CDH13: variants seen among roughly 807,000 people sequenced by gnomAD.
The protein encoded by CDH13 is cadherin 13, also known as cadherin-13.
CDH13 carries 24 observed loss-of-function variants against 63.8 expected under a neutral mutation model. The observed-to-expected ratio is 0.38, with a 90% CI of 0.27 to 0.53. The LOEUF (loss-of-function observed/expected upper bound fraction) is 0.53, where lower values mean the gene tolerates loss of function less well. Ranked by LOEUF, CDH13 falls within the 20% of genes least tolerant of loss-of-function variation. The pLI, the probability that CDH13 is intolerant of heterozygous loss-of-function variation, is 0.85. For synonymous variants in CDH13, 503 were observed against 355.3 expected (o/e 1.42, Z -4.67); for missense variants, 1,049 against 903.1 (o/e 1.16, Z -2.07).
chr16:83,603,102 A>G (rs956746396), intron 8 of CDH13, among the ~76,000 whole-genome samples: 2 of 152,188 alleles, frequency 1.3e-5, no homozygotes, highest in African/African-American at 4.8e-5. Context: ...TGCTTTTATG[A>G]TTATGGATCA....
chr16:83,265,585 T>A lies in CDH13; in HGVS notation c.636+48088T>A, dbSNP rs573344696. 5.9e-5 allele frequency among the ~76,000 whole-genome samples: 9 copies of A among 151,926 alleles called. No individual in the cohort carries two copies. In the East Asian group the frequency reaches 1.7e-3, roughly 29 times the overall value. Reference sequence around the variant, plus strand: ...GCCATCATAATTTCAATTTTAATGGTTTTTTTTGTTCTCTCAATGTTCATT... The same window carrying A: ...GCCATCATAATTTCAATTTTAATGGATTTTTTTGTTCTCTCAATGTTCATT... On this transcript the variant is annotated intron_variant, in intron 5 of 13. Transcript: ENST00000567109.
intron 1 of CDH13, among the ~76,000 whole-genome samples, chr16:82,679,129 G>A (rs1381283162): frequency 1.3e-5 from 2 of 152,204 alleles, no homozygotes; most frequent in Non-Finnish European, 2.9e-5. Flanking sequence ...AGGAACGCCA[G>A]CTCCTTTGCA....
chr16:83,598,967 C>G (rs1250435107), intron 7 of CDH13, among the ~76,000 whole-genome samples: 2 of 152,172 alleles, frequency 1.3e-5, no homozygotes, highest in African/African-American at 4.8e-5. Context: ...AGGTTATGTC[C>G]TCATCGCATG....
chr16:82,871,496 A>G (rs2040339932), intron 2 of CDH13, among the ~76,000 whole-genome samples: 1 of 152,202 alleles, frequency 6.6e-6, no homozygotes, highest in African/African-American at 2.4e-5. Context: ...ACTAACAGGC[A>G]TCTAAAAGAG....
At chr16:83,566,168 C>A (rs72793459) in intron 7 of CDH13, among the ~76,000 whole-genome samples, 4,123 of 152,216 alleles carry the variant, frequency 0.027, 74 homozygotes, top group Non-Finnish European at 0.036. Flanking sequence ...CTTCCAATTT[C>A]TTGGGGATGT....
intron 5 of CDH13, among the ~76,000 whole-genome samples, chr16:83,291,772 A>T (rs1220550746): frequency 1.3e-5 from 2 of 152,126 alleles, no homozygotes; most frequent in Non-Finnish European, 2.9e-5. Flanking sequence ...GCCAACTGGG[A>T]CTTTTGCCTG....
At chr16:83,194,305 G>A (rs2038810512) in intron 4 of CDH13, among the ~76,000 whole-genome samples, 1 of 152,184 alleles carries the variant, frequency 6.6e-6, no homozygotes, top group Non-Finnish European at 1.5e-5. Flanking sequence ...CACAATGCAA[G>A]GATGATCACG....
chr16:83,020,055 A>C (rs1915203421), intron 2 of CDH13, among the ~76,000 whole-genome samples: 1 of 152,152 alleles, frequency 6.6e-6, no homozygotes, highest in Non-Finnish European at 1.5e-5. Flanking sequence ...CTCACTAGGC[A>C]ATAGGACTTT....
chr16:83,683,559 G>A lies in CDH13; in HGVS notation c.1538+5098G>A, dbSNP rs887983847. Among the ~76,000 whole-genome samples the A allele has an allele frequency of 5.3e-5, 8 of 152,056 alleles. No homozygotes were observed. The East Asian group carries it at 5.8e-4, about 11-fold the overall frequency. Reference sequence around the variant, plus strand: ...TCCCAAGAAATAGCCATTATTTTTCGTCGCTGAATAGTGTGCTATTATTCC... The same window carrying A: ...TCCCAAGAAATAGCCATTATTTTTCATCGCTGAATAGTGTGCTATTATTCC... On this transcript the variant is annotated intron_variant, in intron 10 of 13. Transcript: ENST00000567109.
At chr16:83,624,750 A>G (rs1374851006) in intron 8 of CDH13, among the ~76,000 whole-genome samples, 11 of 152,042 alleles carry the variant, frequency 7.2e-5, no homozygotes, top group Non-Finnish European at 1.5e-4. Context: ...TGGGGAGAAA[A>G]TGAGGCCTGT....
At chr16:83,341,812 G>GTTCCAATTAT (rs1452868410) in intron 5 of CDH13, among the ~76,000 whole-genome samples, 1 of 152,100 alleles carries the variant, frequency 6.6e-6, no homozygotes, top group Non-Finnish European at 1.5e-5. Flanking sequence ...GTTCCAATTA[G>GTTCCAATTAT]TTCCAAGTTC....
chr16:83,540,431 C>A (rs568297263), intron 7 of CDH13, among the ~76,000 whole-genome samples: 1 of 152,148 alleles, frequency 6.6e-6, no homozygotes, highest in Non-Finnish European at 1.5e-5. Context: ...AGTTAAGCAG[C>A]TGACCAGTCA....
intron 1 of CDH13, among the ~76,000 whole-genome samples, chr16:82,803,001 C>G (rs1597637479): frequency 6.6e-6 from 1 of 152,212 alleles, no homozygotes; most frequent in South Asian, 2.1e-4. Flanking sequence ...TCATCCAACC[C>G]TGTTCGGTTT....
intron 3 of CDH13, among the ~76,000 whole-genome samples, chr16:83,046,105 C>G (rs970322634): frequency 6.6e-6 from 1 of 152,144 alleles, no homozygotes; most frequent in Admixed American, 6.5e-5. Context: ...AAGGCCTAAT[C>G]TCATCATAGT....
At chr16:82,932,725 G>A (rs1371027120) in intron 2 of CDH13, among the ~76,000 whole-genome samples, 2 of 152,200 alleles carry the variant, frequency 1.3e-5, no homozygotes, top group Admixed American at 6.5e-5. Flanking sequence ...CATTTGATAT[G>A]CTGATGGCAT....
chr16:82,736,781 A>G (rs993749373), intron 1 of CDH13, among the ~76,000 whole-genome samples: 1 of 152,084 alleles, frequency 6.6e-6, no homozygotes, highest in African/African-American at 2.4e-5. Flanking sequence ...CCTTCGGGCA[A>G]TTTGATCTGC....
At chr16:83,232,545 C>CAAAAAAAAAAAA (rs371820662) in intron 5 of CDH13, among the ~76,000 whole-genome samples, 2 of 107,956 alleles carry the variant, frequency 1.9e-5, no homozygotes, top group African/African-American at 7.5e-5. Flanking sequence ...ACAACAACAA[C>CAAAAAAAAAAAA]AAACAAACAA....
chr16:82,875,780 A>G (rs1382040232), intron 2 of CDH13, among the ~76,000 whole-genome samples: 1 of 152,226 alleles, frequency 6.6e-6, no homozygotes, highest in African/African-American at 2.4e-5. Flanking sequence ...GCAATTTAAT[A>G]GTAAAGGAGT....
chr16:83,217,551 AT>A, intron 5 of CDH13, 54 bp downstream of exon 5: 1 of 1,556,608 alleles, frequency 6.4e-7, no homozygotes, highest in Non-Finnish European at 8.8e-7. Flanking sequence ...GCTTTCAAAG[AT>A]TGTTTTCTTC....
Sources: allele counts gnomAD v4.1 joint callset (sites outside exome capture counted in the v4.1 genomes callset), GRCh38; gene constraint gnomAD v4.1.1; transcripts MANE v1.5; gene names NCBI Gene and HGNC (gene_info 2026-07-23, HGNC 2026-07-21).